Variants in OBSL1 observed in about 807,000 individuals in gnomAD.
OBSL1 encodes the protein obscurin-like protein 1.
A neutral mutation model predicts 172.0 loss-of-function variants in OBSL1; 160 were observed. The ratio of observed to expected loss-of-function variants is 0.93; its 90% CI spans 0.82 to 1.06. OBSL1 has a LOEUF of 1.06. OBSL1 is among the 50% of genes least tolerant of loss of function. OBSL1 has a pLI of 0.00. For missense variants in OBSL1, 2,681 were observed against 2,715.4 expected (o/e 0.99, Z 0.28); for synonymous variants, 1,200 against 1,196.3 (o/e 1.00, Z -0.06).
At chr2:219,564,336 ACT>A (rs1463696288) in intron 6 of OBSL1, among the ~76,000 whole-genome samples, 1 of 151,428 alleles carries the variant, frequency 6.6e-6, no homozygotes, top group East Asian at 1.9e-4. Flanking sequence ...CTTCTGTTTG[ACT>A]CTATCTGAGG....
intron 9 of OBSL1, 82 bp downstream of exon 9, chr2:219,559,143 T>TGGGGGA: frequency 8.0e-7 from 1 of 1,257,092 alleles, no homozygotes; most frequent in Non-Finnish European, 1.1e-6. Flanking sequence ...GGGGATGGGG[T>TGGGGGA]GGGGGAGGTG....
chr2:219,557,002 A>G (rs1696062214), intron 12 of OBSL1: 3 of 503,652 alleles, frequency 6.0e-6, no homozygotes, highest in Middle Eastern at 5.1e-4. Flanking sequence ...ACTTGTCACA[A>G]CAGGCCTATA....
In OBSL1 at chr2:219,557,964, C is replaced by T. The variant is rs72957510; in HGVS notation, c.3649G>A (p.Glu1217Lys). The T allele has an allele frequency of 6.3e-3, 10,201 of 1,608,856 alleles. 40 individuals are homozygous for T. The highest frequency in any genetic ancestry group is 0.014 in the African/African-American group (1,077 of 75,000). Residue 1217 changes from glutamate to lysine, a missense_variant, in exon 11 of 21, where the codon GAG (glutamate) becomes AAG (lysine). This residue lies in a region of OBSL1 where 1,765 missense variants were observed against 1,748.3 expected (regional missense o/e 1.01). Transcript: ENST00000404537. ...SHNGRPVQEG[E>K]GLELHAEGPR... ...CCCTCGGCATGGAGCTCTAGGCCCT[C>T]GCCCTCCTGCACGGGCCTCCCATTG...
rs1419299067 is a variant in OBSL1 at position 219,567,309 on chromosome 2, T to C, written c.1801A>G (p.Ser601Gly). 6.2e-7 allele frequency: 1 copy of C among 1,604,850 alleles called. No homozygotes were observed. Among genetic ancestry groups the C allele is most frequent in the Non-Finnish European group, 8.5e-7 (1 of 1,172,914 alleles). The change falls in exon 4 of 21, where the codon AGT becomes GGT. Residue 601 changes from serine (S) to glycine (G), a missense_variant. Physicochemically the swap from Ser to Gly is moderately conservative, Grantham distance 56. This residue lies in a region of OBSL1 where 53 missense variants were observed against 85.5 expected (regional missense o/e 0.62). Transcript: ENST00000404537. ...RICTVSGHGR[S>G]PHVVFHGSAH... is the part of the protein sequence containing the mutation. ...GAACCGTGGAACACCACGTGGGGAC[T>C]ACGGCCATGTCCGCTGACTGTGCAG...
At position 219,570,361 on chromosome 2, in the gene OBSL1, C is replaced by T; in HGVS notation, c.872G>A (p.Arg291His). ...GTCGCGGTCGCGGTACATGAGGCGGCGGCGGTCCGGGAGCAGCGGGCGGCC... is the reference window on the plus strand; with the variant it reads ...GTCGCGGTCGCGGTACATGAGGCGGTGGCGGTCCGGGAGCAGCGGGCGGCC... ...WEGRPLLPDRRRLMYRDRDGG... is the reference protein window; with the variant it reads ...WEGRPLLPDRHRLMYRDRDGG... Residue 291 changes from arginine (R) to histidine (H), a missense_variant, in exon 1 of 21, where the codon CGC becomes CAC. Arg to His is a conservative substitution (Grantham distance 29, BLOSUM62 0). This residue lies in a region of OBSL1 where 706 missense variants were observed against 695.8 expected (regional missense o/e 1.01). Transcript: ENST00000404537. The T allele has an allele frequency of 1.2e-6, 2 of 1,612,852 alleles. No homozygotes were observed. Among genetic ancestry groups the T allele is most frequent in the Non-Finnish European group, 1.7e-6 (2 of 1,179,536 alleles).
chr2:219,561,995 A>G (rs1281361173), intron 8 of OBSL1: 1 of 717,648 alleles, frequency 1.4e-6, no homozygotes, highest in South Asian at 1.5e-5. Context: ...AACTGTCCTG[A>G]CTTTGGTAAG....
rs748974651 is a variant in OBSL1, at chr2:219,562,412, G to A, written c.2943C>T (p.Val981=). Residue 981 remains valine (V), a synonymous_variant, in exon 8 of 21, where the codon GTC becomes GTT. Transcript: ENST00000404537. ...GGGCTGGGCCCACACCTGTGACGGT[G>A]ACAGTGAAGGAGGCCGACTCATCGT... The part of the protein sequence containing the change: ...EIDDESASFT[V]TVTEPPVRII... The A allele has an allele frequency of 1.3e-5, 21 of 1,613,410 alleles. No homozygotes were observed. The highest frequency in any genetic ancestry group is 1.5e-5 in the Non-Finnish European group (18 of 1,179,636).
intron 17 of OBSL1, 44 bp downstream of exon 17, chr2:219,552,824 C>A: frequency 6.5e-7 from 1 of 1,536,566 alleles, no homozygotes; most frequent in Admixed American, 2.0e-5. Context: ...CCGCAAGTCT[C>A]GCGCCCAAAG....
rs1039460154 is a variant in OBSL1, at chr2:219,551,381, T to C, written c.5683+148A>G. 6 of 1,372,322 alleles carry C rather than the reference T, an allele frequency of 4.4e-6. No homozygotes were observed. The African/African-American group carries it at 8.8e-5, about 20-fold the overall frequency. The allele number at this position is 1,372,322 out of a possible 1,614,324, so 85.0% of individuals were successfully genotyped here. ...GGGCTTTCCAGCCCTGGGTGTGCTC[T>C]ACCCCTCCCCTCCCCCATCCCCACC... On this transcript the variant is annotated intron_variant, in intron 20 of 20. Coordinates refer to ENST00000404537, the MANE Select transcript of OBSL1 (RefSeq NM_015311.3).
intron 19 of OBSL1, 64 bp from the exon 20 acceptor site, chr2:219,551,862 C>CGT: frequency 9.4e-7 from 1 of 1,064,132 alleles, no homozygotes; most frequent in Non-Finnish European, 1.4e-6. Flanking sequence ...AGGAGAGATG[C>CGT]ATCTTCCCTC....
intron 7 of OBSL1, 136 bp from the exon 8 acceptor site, chr2:219,562,810 G>T: frequency 1.1e-6 from 1 of 890,800 alleles, no homozygotes; most frequent in Non-Finnish European, 1.7e-6. Flanking sequence ...TCTCACAGCA[G>T]CTGACAGTTA....
Position 219,571,465 on chromosome 2 carries a change from G to T in OBSL1, c.-233C>A, listed in dbSNP as rs549908147. On this transcript the variant is annotated 5_prime_UTR_variant, in exon 1 of 21. Transcript: ENST00000404537. ...CGGGCCCGAAGCCTGGCGCTCAGGG[G>T]GCAGTCCTTCCTGTTTGCCTCTCCA... 153 of 301,608 alleles carry T rather than the reference G, an allele frequency of 5.1e-4. No individual in the cohort carries two copies. Among genetic ancestry groups the T allele is most frequent in the African/African-American group, 3.1e-3 (140 of 45,606 alleles). 18.7% of individuals were successfully genotyped at this position (301,608 alleles called of 1,614,324 possible). A position where few individuals can be genotyped will look rare whatever the true frequency, so the allele number is the denominator to read the frequency against.
downstream of OBSL1, chr2:219,549,126 C>T (rs757830343): frequency 1.9e-6 from 3 of 1,613,178 alleles, no homozygotes; most frequent in Admixed American, 5.0e-5. Flanking sequence ...GTCCTCTGAG[C>T]TCCTTCTCTA....
rs758294274 is a variant in OBSL1 at position 219,570,174 on chromosome 2, T to G, written c.1012+47A>C. ...GAGGAGGGCTGGAGTTCGGAGGGCC[T>G]CGGAGGACACTCGAGGCCCCTCCCT... On this transcript the variant is annotated intron_variant, in intron 1 of 20. Transcript: ENST00000404537. 2.7e-6 allele frequency: 4 copies of G among 1,456,456 alleles called. No individual in the cohort carries two copies. The Admixed American group carries it at 7.9e-5, about 29-fold the overall frequency. 90.2% of individuals were successfully genotyped at this position (1,456,456 alleles called of 1,614,324 possible).
rs1338890176 is a variant in OBSL1 at position 219,552,580 on chromosome 2, C to A, written c.5264G>T (p.Gly1755Val). ...VETTGRWELG[G>V]RPLRPGARVR... The stretch of plus-strand genomic sequence containing the variant: ...GCGGGCTCCGGGTCTCAGCGGGCGG[C>A]CTCCGAGCTCCCAGCGCCCCGTGGT... The change falls in exon 18 of 21, where the codon GGC becomes GTC. Residue 1755 changes from glycine to valine, a missense_variant. Transcript: ENST00000404537. The A allele has an allele frequency of 2.4e-5, 38 of 1,591,478 alleles. No individual in the cohort carries two copies. The highest frequency in any genetic ancestry group is 3.2e-5 in the Non-Finnish European group (38 of 1,175,494).
intron 6 of OBSL1, among the ~76,000 whole-genome samples, chr2:219,564,935 C>T (rs943191346): frequency 3.9e-5 from 6 of 152,236 alleles, no homozygotes; most frequent in South Asian, 2.1e-4. Context: ...GGCGTGGTGG[C>T]GCGCACCTGT....
rs1489027625 is a variant in OBSL1 at position 219,557,475 on chromosome 2, G to A, written c.3934C>T (p.Gln1312Ter). 7 of 1,552,480 alleles carry A rather than the reference G, an allele frequency of 4.5e-6. No homozygotes were observed. The East Asian group carries it at 1.7e-4, about 38-fold the overall frequency. The change falls in exon 12 of 21, where the codon CAG becomes TAG. Residue 1312 changes from glutamine to a stop codon, truncating the protein, a stop_gained. Transcript: ENST00000404537. LOFTEE classifies it high-confidence loss of function. ...GCCTGCTCCAGCTGCACCCGCCCCTGGCTTGCCAGTCGCTCCCCGTCCTTG... is the reference window on the plus strand; with the variant it reads ...GCCTGCTCCAGCTGCACCCGCCCCTAGCTTGCCAGTCGCTCCCCGTCCTTG... ...WYKDGERLAS[Q>*]GRVQLEQAGA...
chr2:219,562,892 CAG>C, intron 7 of OBSL1: 2 of 595,854 alleles, frequency 3.4e-6, no homozygotes, highest in Non-Finnish European at 2.9e-6. Flanking sequence ...AGGAGCTGCA[CAG>C]AGGGGACCAC....
downstream of OBSL1, chr2:219,549,239 C>A (rs768741586): frequency 6.2e-7 from 1 of 1,613,988 alleles, no homozygotes; most frequent in Non-Finnish European, 8.5e-7. Flanking sequence ...AAAAAGAGAC[C>A]TCCTCGGGCT....
Sources: allele counts gnomAD v4.1 joint callset (sites outside exome capture counted in the v4.1 genomes callset), GRCh38; gene constraint gnomAD v4.1.1; regional missense constraint gnomAD v4.1.1; transcripts MANE v1.5; gene names NCBI Gene and HGNC (gene_info 2026-07-23, HGNC 2026-07-21).